The following PTPRD variants were observed in gnomAD, a reference collection of about 807,000 sequenced individuals.
PTPRD encodes the protein receptor-type tyrosine-protein phosphatase delta.
A neutral mutation model predicts 214.5 loss-of-function variants in PTPRD; 34 were observed. That is an observed-to-expected ratio of 0.16 (90% CI 0.12 to 0.21). PTPRD has a LOEUF of 0.21. Ranked by LOEUF, PTPRD falls within the 10% of genes least tolerant of loss-of-function variation. PTPRD has a pLI of 1.00. For synonymous variants in PTPRD, 1,128 were observed against 845.7 expected (o/e 1.33, Z -5.79); for missense variants, 2,545 against 2,398.7 (o/e 1.06, Z -1.27).
At chr9:9,669,397 T>A (rs542034997) in intron 7 of PTPRD, among the ~76,000 whole-genome samples, 1 of 152,140 alleles carries the variant, frequency 6.6e-6, no homozygotes, top group Non-Finnish European at 1.5e-5. Context: ...CACTAGGAAA[T>A]TGATATTATT....
chr9:10,047,604 T>C (rs571806128), intron 3 of PTPRD, among the ~76,000 whole-genome samples: 1 of 152,140 alleles, frequency 6.6e-6, no homozygotes, highest in East Asian at 1.9e-4. Flanking sequence ...GGCTCCAACA[T>C]TTATACCCCT....
At chr9:9,842,298 ATTTTTTTTTTTTTTT>A (rs138386194) in intron 5 of PTPRD, among the ~76,000 whole-genome samples, 1 of 91,400 alleles carries the variant, frequency 1.1e-5, no homozygotes, top group Non-Finnish European at 2.0e-5. Flanking sequence ...GAAGGAGAGC[ATTTTTTTTTTTTTTT>A]TTTTTTTTTG....
chr9:10,075,638 T>G (rs2098120191), intron 3 of PTPRD, among the ~76,000 whole-genome samples: 1 of 151,924 alleles, frequency 6.6e-6, no homozygotes, highest in Non-Finnish European at 1.5e-5. Flanking sequence ...ATTTGCTCAA[T>G]GAATACATCA....
At chr9:8,808,831 G>T (rs1248364354) in intron 11 of PTPRD, among the ~76,000 whole-genome samples, 2 of 152,058 alleles carry the variant, frequency 1.3e-5, no homozygotes, top group Admixed American at 1.3e-4. Flanking sequence ...TCTGGATATG[G>T]TGTCCCGAAA....
At chr9:9,925,820 A>C (rs2084090854) in intron 5 of PTPRD, among the ~76,000 whole-genome samples, 1 of 151,858 alleles carries the variant, frequency 6.6e-6, no homozygotes, top group Admixed American at 6.6e-5. Flanking sequence ...CTATATACTA[A>C]TCTCCCTTTG....
At chr9:8,590,631 T>A (rs1355587231) in intron 14 of PTPRD, among the ~76,000 whole-genome samples, 1 of 152,174 alleles carries the variant, frequency 6.6e-6, no homozygotes, top group Non-Finnish European at 1.5e-5. Context: ...ACAGAATGGA[T>A]GTTTTCAAAC....
intron 11 of PTPRD, among the ~76,000 whole-genome samples, chr9:8,845,781 T>C (rs2097682373): frequency 6.6e-6 from 1 of 152,130 alleles, no homozygotes; most frequent in South Asian, 2.1e-4. Context: ...CAGCATATTT[T>C]CCCACTGCAG....
intron 2 of PTPRD, among the ~76,000 whole-genome samples, chr9:10,380,542 A>G (rs1457013712): frequency 6.6e-6 from 1 of 152,066 alleles, no homozygotes; most frequent in Non-Finnish European, 1.5e-5. Context: ...TGTCTTTACT[A>G]CCACATGACT....
At chr9:10,142,215 C>T (rs1422659888) in intron 3 of PTPRD, among the ~76,000 whole-genome samples, 1 of 151,684 alleles carries the variant, frequency 6.6e-6, no homozygotes, top group Non-Finnish European at 1.5e-5. Context: ...TAGGCATGGG[C>T]AAGGACTTCA....
intron 2 of PTPRD, among the ~76,000 whole-genome samples, chr9:10,557,260 C>A (rs1590853944): frequency 1.3e-5 from 2 of 152,010 alleles, no homozygotes; most frequent in Non-Finnish European, 2.9e-5. Context: ...CTCTGTCTCT[C>A]ATTTAAAAGG....
intron 8 of PTPRD, among the ~76,000 whole-genome samples, chr9:9,571,595 A>T (rs1269782033): frequency 6.6e-6 from 1 of 151,246 alleles, no homozygotes; most frequent in Non-Finnish European, 1.5e-5. Flanking sequence ...TCATATGGAA[A>T]TAAATTATCA....
chr9:9,743,248 T>C (rs933306393), intron 6 of PTPRD, among the ~76,000 whole-genome samples: 1 of 152,124 alleles, frequency 6.6e-6, no homozygotes, highest in Non-Finnish European at 1.5e-5. Flanking sequence ...ATATTTCAGA[T>C]CCTTTGGAGG....
intron 3 of PTPRD, among the ~76,000 whole-genome samples, chr9:10,226,230 C>G (rs886419180): frequency 3.9e-5 from 6 of 152,030 alleles, no homozygotes; most frequent in Non-Finnish European, 5.9e-5. Flanking sequence ...TGCCAACTCA[C>G]CTACTGAATG....
intron 35 of PTPRD, among the ~76,000 whole-genome samples, chr9:8,411,975 C>A (rs2093570754): frequency 6.6e-6 from 1 of 152,108 alleles, no homozygotes; most frequent in Non-Finnish European, 1.5e-5. Context: ...TTGGGGCAAG[C>A]AAATGTATTA....
At chr9:9,097,372 G>C (rs1374388789) in intron 10 of PTPRD, among the ~76,000 whole-genome samples, 1 of 151,724 alleles carries the variant, frequency 6.6e-6, no homozygotes, top group Non-Finnish European at 1.5e-5. Context: ...AGGGTTTAAA[G>C]AGGCCACAGG....
chr9:8,602,575 G>C (rs978177195), intron 14 of PTPRD, among the ~76,000 whole-genome samples: 2 of 152,294 alleles, frequency 1.3e-5, no homozygotes, highest in African/African-American at 4.8e-5. Context: ...GCAGGAATCA[G>C]CATGTTTTTA....
chr9:10,234,289 A>G (rs1477438845), intron 3 of PTPRD, among the ~76,000 whole-genome samples: 2 of 151,852 alleles, frequency 1.3e-5, no homozygotes, highest in East Asian at 1.9e-4. Flanking sequence ...TTACAAAATC[A>G]TGTTTTTAAA....
chr9:10,430,651 T>C (rs893835944), intron 2 of PTPRD, among the ~76,000 whole-genome samples: 1 of 151,924 alleles, frequency 6.6e-6, no homozygotes, highest in Non-Finnish European at 1.5e-5. Context: ...AGAATAATAA[T>C]GCAAATTAAT....
intron 37 of PTPRD, among the ~76,000 whole-genome samples, chr9:8,384,907 C>T (rs2086453415): frequency 2.0e-5 from 3 of 152,144 alleles, no homozygotes; most frequent in African/African-American, 4.8e-5. Flanking sequence ...GGGTTGATAG[C>T]TGAATGTATA....
Sources: allele counts gnomAD v4.1 joint callset (sites outside exome capture counted in the v4.1 genomes callset), GRCh38; gene constraint gnomAD v4.1.1; transcripts MANE v1.5; gene names NCBI Gene and HGNC (gene_info 2026-07-23, HGNC 2026-07-21).